TDRD12: variants seen among roughly 807,000 people sequenced by gnomAD.
TDRD12 encodes putative ATP-dependent RNA helicase TDRD12.
Under a neutral mutation model 133.5 loss-of-function variants are expected in TDRD12, and 158 were observed. The observed-to-expected ratio is 1.18, with a 90% CI of 1.04 to 1.35. The LOEUF is 1.35. Ranked by LOEUF, TDRD12 falls within the 40% of genes most tolerant of loss-of-function variation. The pLI is 0.00. For synonymous variants in TDRD12, 460 were observed against 477.9 expected, an observed-to-expected ratio of 0.96 and a Z score of 0.49; for missense variants, 1,443 against 1,321.3, an observed-to-expected ratio of 1.09 and a Z score of -1.43.
At chr19:32,730,669 A>G (rs1398487070) in intron 1 of TDRD12, among the ~76,000 whole-genome samples, 1 of 151,880 alleles carries the variant, frequency 6.6e-6, no homozygotes, top group Admixed American at 6.6e-5. Context: ...ATTTTTGCCC[A>G]AATCTTGAGA....
chr19:32,761,321 G>A (rs1029192465), intron 8 of TDRD12, among the ~76,000 whole-genome samples: 19 of 151,988 alleles, frequency 1.3e-4, no homozygotes, highest in Admixed American at 2.0e-4. Context: ...TAGTAGAGAC[G>A]GGGTTTCACC....
rs533058656 is a variant in TDRD12, at chr19:32,772,673, T to C, written c.866-80T>C. The C allele has an allele frequency of 2.3e-5, 19 of 822,992 alleles. No individual in the cohort carries two copies. In the African/African-American group the frequency reaches 3.3e-4, roughly 14 times the overall value. The allele number at this position is 822,992 out of a possible 1,614,324, so 51.0% of individuals were successfully genotyped here. On this transcript the variant is annotated intron_variant, in intron 8 of 27. Transcript: ENST00000444215. The stretch of plus-strand genomic sequence containing the variant: ...TAAGATTTTATAATGGTATTTGCTT[T>C]TATTATATTCCTTTTTATCCTATTT...
intron 1 of TDRD12, among the ~76,000 whole-genome samples, chr19:32,728,432 C>A (rs1022153049): frequency 6.6e-6 from 1 of 152,028 alleles, no homozygotes; most frequent in African/African-American, 2.4e-5. Context: ...TCTTTAATTT[C>A]TTTCAGCAGC....
chr19:32,723,328 G>A (rs1968750547), intron 1 of TDRD12, among the ~76,000 whole-genome samples: 1 of 151,520 alleles, frequency 6.6e-6, no homozygotes, highest in African/African-American at 2.4e-5. Context: ...TCGGCACAGT[G>A]CAAGCTCTGC....
rs540324144 is a variant in TDRD12 at position 32,775,133 on chromosome 19, T to A, written c.1040+1601T>A. Reference sequence around the variant, plus strand: ...TTTTTCTGCACCAATCTTTTTCCTCTCCTTTTAGAGACTCTGATGAAACAA... The same window carrying A: ...TTTTTCTGCACCAATCTTTTTCCTCACCTTTTAGAGACTCTGATGAAACAA... On this transcript the variant is annotated intron_variant, in intron 10 of 27. Transcript: ENST00000444215. 1.8e-3 allele frequency among the ~76,000 whole-genome samples: 267 copies of A among 152,314 alleles called. 2 individuals are homozygous for A. The highest frequency in any genetic ancestry group is 5.8e-3 in the African/African-American group (242 of 41,558).
exon 7 of TDRD12, chr19:32,756,037 A>G: frequency 6.8e-7 from 1 of 1,476,914 alleles, no homozygotes; most frequent in African/African-American, 1.5e-5. Context: ...TGCTTGTTAT[A>G]TGTCACCTAC....
chr19:32,721,211 G>C (rs1968650082), intron 1 of TDRD12, among the ~76,000 whole-genome samples: 1 of 152,168 alleles, frequency 6.6e-6, no homozygotes, highest in Non-Finnish European at 1.5e-5. Flanking sequence ...AGTCCAGTGA[G>C]GGCTCATTGG....
intron 16 of TDRD12, 72 bp from the exon 17 acceptor site, chr19:32,800,095 C>A: frequency 1.1e-6 from 1 of 898,432 alleles, no homozygotes; most frequent in Non-Finnish European, 1.6e-6. Flanking sequence ...CAAACCCTTA[C>A]ATTTTATGTT....
rs543960892 is a variant in TDRD12, at chr19:32,796,248, C to T, written c.1473+1435C>T. 1.5e-5 allele frequency: 13 copies of T among 878,494 alleles called. 1 individual carries two copies. The South Asian group carries it at 6.3e-4, about 42-fold the overall frequency. The allele number at this position is 878,494 out of a possible 1,614,324, so 54.4% of individuals were successfully genotyped here. A position where few individuals can be genotyped will look rare whatever the true frequency, so the allele number is the denominator to read the frequency against. On this transcript the variant is annotated intron_variant, in intron 14 of 27. Transcript: ENST00000444215. ...GGGTTGCAGTTAGGAAAAATACTAG[C>T]TCATTTTTCTAACCGTGCCATGCAG...
intron 8 of TDRD12, 32 bp downstream of exon 8, chr19:32,757,162 G>C: frequency 6.7e-7 from 1 of 1,482,848 alleles, no homozygotes. Flanking sequence ...TATTTCATAG[G>C]CAGCATGAAA....
At chr19:32,806,936 A>G (rs1971567766) in intron 21 of TDRD12, among the ~76,000 whole-genome samples, 2 of 152,198 alleles carry the variant, frequency 1.3e-5, no homozygotes, top group African/African-American at 4.8e-5. Context: ...TGCTGGGATT[A>G]CAGGCACGAG....
chr19:32,814,174 A>C (rs975211311), intron 25 of TDRD12, among the ~76,000 whole-genome samples: 1 of 152,140 alleles, frequency 6.6e-6, no homozygotes. Context: ...TCCTTCTGTG[A>C]GCAAAGCAGA....
chr19:32,811,535 G>A lies in TDRD12; in HGVS notation c.3048+115G>A, dbSNP rs952162429. On this transcript the variant is annotated intron_variant, in intron 24 of 27. Coordinates refer to ENST00000444215, the Ensembl canonical transcript of TDRD12. ...AGTGTCACGTTTGGGCAGGGAAAGT[G>A]CAGTCTGCTTAGATCCCCACGGTGT... 15 of 1,014,044 alleles carry A rather than the reference G, an allele frequency of 1.5e-5. No homozygotes were observed. The African/African-American group carries it at 1.7e-4, about 12-fold the overall frequency. The allele number at this position is 1,014,044 out of a possible 1,614,324, so 62.8% of individuals were successfully genotyped here.
chr19:32,733,973 G>T (rs1188357322), intron 2 of TDRD12, among the ~76,000 whole-genome samples: 1 of 150,528 alleles, frequency 6.6e-6, no homozygotes, highest in Non-Finnish European at 1.5e-5. Context: ...CTCACTGGAA[G>T]CCCCACCTCC....
At chr19:32,775,660 TG>T (rs1043093210) in intron 10 of TDRD12, among the ~76,000 whole-genome samples, 3 of 151,512 alleles carry the variant, frequency 2.0e-5, no homozygotes, top group African/African-American at 7.3e-5. Flanking sequence ...AAATTTTCCT[TG>T]TTTTTTTTTT....
Position 32,793,636 on chromosome 19 carries a change from G to A in TDRD12, c.1288-992G>A, listed in dbSNP as rs555330369. On this transcript the variant is annotated intron_variant, in intron 13 of 27. Coordinates refer to ENST00000444215, the Ensembl canonical transcript of TDRD12. ...TACATAGAAAAATAAGCAAATAAAA[G>A]TCTATCTTTTAAAAAGCTTTACAAG... 6.1e-4 allele frequency among the ~76,000 whole-genome samples: 93 copies of A among 152,164 alleles called. 1 individual carries two copies. In the South Asian group the frequency reaches 0.018, roughly 30 times the overall value.
intron 8 of TDRD12, among the ~76,000 whole-genome samples, chr19:32,764,610 A>AT (rs1395170757): frequency 6.6e-6 from 1 of 152,198 alleles, no homozygotes; most frequent in Non-Finnish European, 1.5e-5. Context: ...AGAAATCTTA[A>AT]TTAGGTCATA....
chr19:32,731,333 T>G (rs1427753477), intron 1 of TDRD12, among the ~76,000 whole-genome samples: 1 of 152,000 alleles, frequency 6.6e-6, no homozygotes, highest in Non-Finnish European at 1.5e-5. Flanking sequence ...AGTGGGAAAA[T>G]TGCTCGAGCC....
Position 32,726,334 on chromosome 19 carries a change from C to T in TDRD12, c.25-5391C>T, listed in dbSNP as rs557541952. On this transcript the variant is annotated intron_variant, in intron 1 of 27. Coordinates refer to ENST00000444215, the Ensembl canonical transcript of TDRD12. ...TGACCTTGGATCCACCCGCCTCAGCCTCCCAAAGTGCTGGGATTACAGGCG... is the reference window on the plus strand; with the variant it reads ...TGACCTTGGATCCACCCGCCTCAGCTTCCCAAAGTGCTGGGATTACAGGCG... 2.0e-5 allele frequency among the ~76,000 whole-genome samples: 3 copies of T among 152,304 alleles called. No individual in the cohort carries two copies. In the South Asian group the frequency reaches 6.2e-4, roughly 32 times the overall value.
Sources: allele counts gnomAD v4.1 joint callset (sites outside exome capture counted in the v4.1 genomes callset), GRCh38; gene constraint gnomAD v4.1.1; transcripts MANE v1.5; gene names NCBI Gene and HGNC (gene_info 2026-07-23, HGNC 2026-07-21).